The following ITPR2 variants were observed in gnomAD, a reference collection of about 807,000 sequenced individuals.
ITPR2 encodes the protein inositol 1,4,5-trisphosphate-gated calcium channel ITPR2.
In ITPR2, 207 loss-of-function variants were observed where a neutral mutation model predicts 317.1. The ratio of observed to expected loss-of-function variants is 0.65; its 90% CI spans 0.58 to 0.73. ITPR2 has a LOEUF of 0.73. Among genes scored for constraint, ITPR2 ranks in the 30% least tolerant of loss-of-function variants. The pLI is 0.00. For missense variants in ITPR2, 2,613 were observed against 3,284.0 expected, an observed-to-expected ratio of 0.80 and a Z score of 4.99; for synonymous variants, 1,156 against 1,149.1, an observed-to-expected ratio of 1.01 and a Z score of -0.12.
At chr12:26,406,505 T>C (rs1305080063) in intron 52 of ITPR2, 2 of 145,426 alleles carry the variant, frequency 1.4e-5, no homozygotes, top group African/African-American at 5.1e-5. Context: ...GCTGGGACAA[T>C]GACCTTCCCT....
intron 55 of ITPR2, among the ~76,000 whole-genome samples, chr12:26,372,671 A>T (rs1162517246): frequency 6.6e-6 from 1 of 152,250 alleles, no homozygotes; most frequent in Non-Finnish European, 1.5e-5. Context: ...AAGTGAGGCA[A>T]CTGTGATACT....
intron 55 of ITPR2, among the ~76,000 whole-genome samples, chr12:26,378,539 C>T (rs1459707027): frequency 6.6e-6 from 1 of 152,134 alleles, no homozygotes. Flanking sequence ...AGCAGGGGTG[C>T]AGTGGTGTGA....
intron 49 of ITPR2, among the ~76,000 whole-genome samples, chr12:26,421,714 G>A (rs1396037977): frequency 6.5e-5 from 8 of 122,872 alleles, no homozygotes; most frequent in Non-Finnish European, 1.1e-4. Context: ...CAGGAAACTG[G>A]GCAAGATGGT....
intron 32 of ITPR2, among the ~76,000 whole-genome samples, chr12:26,590,972 C>T (rs1285037889): frequency 6.8e-6 from 1 of 147,212 alleles, no homozygotes; most frequent in African/African-American, 2.5e-5. Flanking sequence ...CCCAGCTACT[C>T]GGGAGGCTGA....
At chr12:26,421,538 G>A (rs971719113) in intron 49 of ITPR2, 1 of 119,764 alleles carries the variant, frequency 8.3e-6, no homozygotes, top group South Asian at 2.5e-4. Flanking sequence ...TTTTCATATA[G>A]CATTTTCCAT....
intron 36 of ITPR2, among the ~76,000 whole-genome samples, chr12:26,551,213 T>C (rs2137005220): frequency 6.6e-6 from 1 of 152,254 alleles, no homozygotes; most frequent in East Asian, 1.9e-4. Context: ...GATATAACCC[T>C]GGGGAAAAAG....
intron 45 of ITPR2, among the ~76,000 whole-genome samples, chr12:26,446,537 T>C (rs937288661): frequency 6.6e-6 from 1 of 152,102 alleles, no homozygotes; most frequent in Non-Finnish European, 1.5e-5. Flanking sequence ...TACAGTTATT[T>C]TAAGAAACCA....
chr12:26,508,721 G>C (rs189864019), intron 37 of ITPR2, among the ~76,000 whole-genome samples: 27 of 152,190 alleles, frequency 1.8e-4, no homozygotes, highest in Admixed American at 1.3e-3. Flanking sequence ...AGTGATCTGG[G>C]GACACGGAAA....
intron 21 of ITPR2, among the ~76,000 whole-genome samples, chr12:26,634,610 G>A (rs753245195): frequency 7.9e-5 from 12 of 152,154 alleles, no homozygotes; most frequent in Admixed American, 1.3e-4. Context: ...GAAACGCCAG[G>A]CACGGTGGCT....
intron 55 of ITPR2, among the ~76,000 whole-genome samples, chr12:26,381,972 A>G (rs1939522423): frequency 6.6e-6 from 1 of 152,214 alleles, no homozygotes; most frequent in South Asian, 2.1e-4. Context: ...AATGTTAGAG[A>G]AACATCTAAA....
At chr12:26,705,227 T>C (rs999496188) in intron 9 of ITPR2, among the ~76,000 whole-genome samples, 1 of 152,202 alleles carries the variant, frequency 6.6e-6, no homozygotes, top group Non-Finnish European at 1.5e-5. Flanking sequence ...CCTGGCTTCC[T>C]GGTCATTCCT....
intron 22 of ITPR2, among the ~76,000 whole-genome samples, chr12:26,630,953 G>A (rs1246542128): frequency 6.6e-6 from 1 of 152,128 alleles, no homozygotes; most frequent in Non-Finnish European, 1.5e-5. Context: ...TCAGGATTCA[G>A]CCTTTGGAAT....
chr12:26,500,244 G>A (rs1385286768), intron 37 of ITPR2, among the ~76,000 whole-genome samples: 3 of 152,184 alleles, frequency 2.0e-5, no homozygotes, highest in Non-Finnish European at 4.4e-5. Flanking sequence ...TAATTCAAAA[G>A]TAACTGCAGA....
At position 26,722,018 on chromosome 12, in the gene ITPR2, G is replaced by A. The variant is rs566986687; in HGVS notation, c.525+379C>T. ...TAAATGGAATCCTGTCATGAATCAC[G>A]GTGTCACTCCATTAATTCAAAGGGC... On this transcript the variant is annotated intron_variant, in intron 5 of 56. Transcript: ENST00000381340. Among the ~76,000 whole-genome samples, 48 of 152,164 alleles carry A rather than the reference G, an allele frequency of 3.2e-4. 1 individual carries two copies. The highest frequency in any genetic ancestry group is 2.9e-3 in the Admixed American group (44 of 15,272).
At chr12:26,523,760 A>G (rs1401428440) in intron 37 of ITPR2, among the ~76,000 whole-genome samples, 2 of 152,254 alleles carry the variant, frequency 1.3e-5, no homozygotes, top group Non-Finnish European at 2.9e-5. Context: ...ACTGTAGAGC[A>G]GTAAAAGCTT....
At chr12:26,344,917 C>A (rs1283389292) in intron 55 of ITPR2, among the ~76,000 whole-genome samples, 2 of 152,122 alleles carry the variant, frequency 1.3e-5, no homozygotes, top group African/African-American at 2.4e-5. Flanking sequence ...TGTCTTCCAA[C>A]CCTCTTCTGG....
intron 13 of ITPR2, among the ~76,000 whole-genome samples, chr12:26,676,651 A>G (rs1947914362): frequency 6.6e-6 from 1 of 152,066 alleles, no homozygotes; most frequent in Admixed American, 6.5e-5. Context: ...GGAAGACGTA[A>G]AGAAAGGGGC....
At chr12:26,701,604 T>C (rs1003306157) in intron 9 of ITPR2, among the ~76,000 whole-genome samples, 1 of 152,310 alleles carries the variant, frequency 6.6e-6, no homozygotes, top group Non-Finnish European at 1.5e-5. Context: ...TATGTATACA[T>C]ATACATGCAT....
intron 32 of ITPR2, among the ~76,000 whole-genome samples, chr12:26,591,659 ATC>A (rs1945708897): frequency 6.6e-6 from 1 of 151,560 alleles, no homozygotes; most frequent in Non-Finnish European, 1.5e-5. Flanking sequence ...GTGAAACCCC[ATC>A]TCTACTAAAA....
Sources: allele counts gnomAD v4.1 joint callset (sites outside exome capture counted in the v4.1 genomes callset), GRCh38; gene constraint gnomAD v4.1.1; transcripts MANE v1.5; gene names NCBI Gene and HGNC (gene_info 2026-07-23, HGNC 2026-07-21).